RFC3: variants seen among roughly 807,000 people sequenced by gnomAD.
RFC3 encodes replication factor C subunit 3.
A neutral mutation model predicts 45.1 loss-of-function variants in RFC3; 41 were observed. The ratio of observed to expected loss-of-function variants is 0.91; its 90% CI spans 0.71 to 1.18. The LOEUF (loss-of-function observed/expected upper bound fraction) is 1.18, where lower values mean the gene tolerates loss of function less well. Among genes scored for constraint, RFC3 ranks in the 50% most tolerant of loss-of-function variants. The pLI is 0.00. For missense variants in RFC3, 423 were observed against 428.1 expected, an observed-to-expected ratio of 0.99 and a Z score of 0.10; for synonymous variants, 149 against 144.0, an observed-to-expected ratio of 1.03 and a Z score of -0.25.
chr13:33,852,914 G>A (rs1566002425), intron 8 of RFC3, among the ~76,000 whole-genome samples: 1 of 152,144 alleles, frequency 6.6e-6, no homozygotes, highest in Non-Finnish European at 1.5e-5. Context: ...TTGGCTTAAT[G>A]CACAGACCAA....
intron 8 of RFC3, among the ~76,000 whole-genome samples, chr13:33,843,174 G>C (rs1236022270): frequency 6.8e-6 from 1 of 148,074 alleles, no homozygotes; most frequent in Non-Finnish European, 1.5e-5. Context: ...TTTTCAAATT[G>C]ATGAACAGAT....
intron 8 of RFC3, among the ~76,000 whole-genome samples, chr13:33,945,382 G>T (rs1016573048): frequency 6.6e-6 from 1 of 152,138 alleles, no homozygotes; most frequent in Non-Finnish European, 1.5e-5. Flanking sequence ...GATACAGTTT[G>T]CAAATTAAGG....
intron 8 of RFC3, among the ~76,000 whole-genome samples, chr13:33,868,411 C>T (rs889569874): frequency 2.4e-5 from 3 of 125,592 alleles, no homozygotes; most frequent in African/African-American, 7.8e-5. Context: ...CCACACCCAA[C>T]TTACAAAGGG....
intron 8 of RFC3, among the ~76,000 whole-genome samples, chr13:33,844,220 C>T (rs1450714893): frequency 6.6e-6 from 1 of 152,170 alleles, no homozygotes; most frequent in African/African-American, 2.4e-5. Context: ...GCAGTGGCTG[C>T]CCCCTAGTCT....
At chr13:33,879,000 T>C (rs972426168) in intron 8 of RFC3, among the ~76,000 whole-genome samples, 6 of 152,174 alleles carry the variant, frequency 3.9e-5, no homozygotes, top group Non-Finnish European at 7.3e-5. Flanking sequence ...TTAGCACTTA[T>C]CGTTATCATA....
chr13:33,860,311 AG>A (rs5802696), intron 8 of RFC3, among the ~76,000 whole-genome samples: 113,420 of 151,782 alleles, frequency 0.75, 45,730 homozygotes, highest in Non-Finnish European at 0.92. Context: ...AGGAAAACCA[AG>A]GGAAGGAGGA....
chr13:33,908,055 T>C (rs2082681844), intron 8 of RFC3, among the ~76,000 whole-genome samples: 1 of 152,008 alleles, frequency 6.6e-6, no homozygotes, highest in South Asian at 2.1e-4. Flanking sequence ...AATTTTATTT[T>C]CTTTTTAAGG....
intron 6 of RFC3, 85 bp from the exon 7 acceptor site, chr13:33,831,171 C>G (rs778174983): frequency 1.2e-6 from 1 of 830,622 alleles, no homozygotes. Flanking sequence ...GGTTCCTAAC[C>G]GCACGGACCA....
At position 33,844,251 on chromosome 13, in the gene RFC3, A is replaced by G. The variant is rs192135267; in HGVS notation, c.879+9034A>G. Among the ~76,000 whole-genome samples the G allele has an allele frequency of 8.8e-4, 134 of 152,306 alleles. 1 individual carries two copies. Among genetic ancestry groups the G allele is most frequent in the Middle Eastern group, 3.4e-3 (1 of 294 alleles). On this transcript the variant is annotated intron_variant, in intron 8 of 8. Transcript: ENST00000434425. ...AGTCTTCTGGTTCTTTAATCCAATAAGACAGTAAAGTTTTCATAAGAGTTT... is the reference window on the plus strand; with the variant it reads ...AGTCTTCTGGTTCTTTAATCCAATAGGACAGTAAAGTTTTCATAAGAGTTT...
intron 8 of RFC3, among the ~76,000 whole-genome samples, chr13:33,906,650 G>A (rs570772127): frequency 6.6e-6 from 1 of 151,908 alleles, no homozygotes; most frequent in East Asian, 1.9e-4. Flanking sequence ...TTTGTTACAT[G>A]CTTTTCTTGC....
the RFC3 span, among the ~76,000 whole-genome samples, chr13:33,973,982 C>T: frequency 1.0e-3 from 157 of 152,190 alleles, 1 homozygote; most frequent in Middle Eastern, 0.01. Context: ...ATTCTGGAAA[C>T]CAAGATCTGT....
chr13:33,887,945 G>A (rs1039635896), intron 8 of RFC3, among the ~76,000 whole-genome samples: 2 of 152,086 alleles, frequency 1.3e-5, no homozygotes, highest in African/African-American at 4.8e-5. Context: ...TTGTAGATAC[G>A]CAGCATTATT....
At chr13:33,921,088 C>A (rs2082765809) in intron 8 of RFC3, among the ~76,000 whole-genome samples, 1 of 152,114 alleles carries the variant, frequency 6.6e-6, no homozygotes, top group Admixed American at 6.6e-5. Flanking sequence ...AATTTGAAAT[C>A]TTGAGTATCA....
intron 8 of RFC3, among the ~76,000 whole-genome samples, chr13:33,957,765 A>G (rs2083031019): frequency 6.6e-6 from 1 of 152,126 alleles, no homozygotes; most frequent in South Asian, 2.1e-4. Context: ...GGTCTTCTGT[A>G]CACCGTGGAT....
chr13:33,870,987 C>G (rs1457970783), intron 8 of RFC3, among the ~76,000 whole-genome samples: 1 of 152,098 alleles, frequency 6.6e-6, no homozygotes, highest in Non-Finnish European at 1.5e-5. Flanking sequence ...CACTGTGTCC[C>G]CTGTAGACCC....
intron 8 of RFC3, among the ~76,000 whole-genome samples, chr13:33,878,252 T>C (rs1356520906): frequency 2.0e-5 from 3 of 152,250 alleles, no homozygotes; most frequent in African/African-American, 7.2e-5. Flanking sequence ...AAAATATTTT[T>C]AAATAAAATA....
At chr13:33,957,306 T>C (rs546542795) in intron 8 of RFC3, among the ~76,000 whole-genome samples, 35 of 152,378 alleles carry the variant, frequency 2.3e-4, no homozygotes, top group Non-Finnish European at 4.3e-4. Context: ...TCTTTTCTTC[T>C]TTATTGTTAT....
At chr13:33,946,818 G>A (rs2082957202) in intron 8 of RFC3, among the ~76,000 whole-genome samples, 1 of 152,176 alleles carries the variant, frequency 6.6e-6, no homozygotes, top group Non-Finnish European at 1.5e-5. Flanking sequence ...CTTGACAAGT[G>A]GCAGTTTCCT....
At chr13:33,885,683 A>G (rs2082516600) in intron 8 of RFC3, among the ~76,000 whole-genome samples, 1 of 152,250 alleles carries the variant, frequency 6.6e-6, no homozygotes, top group Admixed American at 6.5e-5. Flanking sequence ...AAAAATAATT[A>G]TCTACTAGAA....
Sources: allele counts gnomAD v4.1 joint callset (sites outside exome capture counted in the v4.1 genomes callset), GRCh38; gene constraint gnomAD v4.1.1; transcripts MANE v1.5; gene names NCBI Gene and HGNC (gene_info 2026-07-23, HGNC 2026-07-21).